The following DNAH8 variants were observed in gnomAD, a reference collection of about 807,000 sequenced individuals.
DNAH8 encodes the protein dynein axonemal heavy chain 8, also known as axonemal beta dynein heavy chain 8.
A neutral mutation model predicts 562.1 loss-of-function variants in DNAH8; 382 were observed. The observed-to-expected ratio is 0.68, with a 90% CI of 0.63 to 0.74. DNAH8 has a LOEUF of 0.74. Ranked by LOEUF, DNAH8 falls within the 30% of genes least tolerant of loss-of-function variation. DNAH8 has a pLI of 0.00. For missense variants in DNAH8, 5,203 were observed against 5,620.4 expected (o/e 0.93, Z 2.37); for synonymous variants, 1,881 against 1,919.4 (o/e 0.98, Z 0.52).
intron 11 of DNAH8, among the ~76,000 whole-genome samples, chr6:38,766,042 A>G (rs955967985): frequency 2.6e-5 from 4 of 152,210 alleles, no homozygotes; most frequent in Non-Finnish European, 5.9e-5. Context: ...TATTCACAAT[A>G]GCCAAGATGT....
chr6:38,850,232 G>A lies in DNAH8; in HGVS notation c.5200-19G>A, dbSNP rs1368944685. 11 of 1,610,390 alleles carry A rather than the reference G, an allele frequency of 6.8e-6. No homozygotes were observed. The highest frequency in any genetic ancestry group is 9.3e-6 in the Non-Finnish European group (11 of 1,177,982). ...ATTATCCAAATGCTAATCTTTACTG[G>A]CTATGGATGCATTTTCAGGAAGCAA... On this transcript the variant is annotated intron_variant, in intron 37 of 92. Transcript: ENST00000327475.
intron 70 of DNAH8, 74 bp downstream of exon 70, chr6:38,918,214 G>T: frequency 9.1e-7 from 1 of 1,102,896 alleles, no homozygotes. Flanking sequence ...GCTATTAAAA[G>T]ACAATGCGTA....
intron 24 of DNAH8, among the ~76,000 whole-genome samples, chr6:38,809,311 G>A (rs1025906604): frequency 6.6e-6 from 1 of 152,034 alleles, no homozygotes; most frequent in Non-Finnish European, 1.5e-5. Flanking sequence ...TTTGTGATCT[G>A]TTTAAAGAAA....
At position 38,945,447 on chromosome 6, in the gene DNAH8, T is replaced by C. The variant is rs79465174; in HGVS notation, c.12008-20T>C. On this transcript the variant is annotated intron_variant, in intron 79 of 92. Coordinates refer to ENST00000327475, the MANE Select transcript of DNAH8 (RefSeq NM_001206927.2). ...AAGTACAGGCTTACCCAATTCACCC[T>C]GTCTGACGCTCTTCCCCAGGGGGAG... The C allele has an allele frequency of 0.03, 47,807 of 1,613,676 alleles. 2,986 individuals are homozygous for C. The highest frequency in any genetic ancestry group is 0.23 in the Admixed American group (14,050 of 59,998).
intron 67 of DNAH8, among the ~76,000 whole-genome samples, chr6:38,914,836 T>G (rs1781182575): frequency 1.3e-5 from 2 of 152,190 alleles, no homozygotes; most frequent in African/African-American, 4.8e-5. Flanking sequence ...CAATAAACAT[T>G]AGCTTCTTTT....
chr6:38,736,990 A>C (rs1246383927), intron 5 of DNAH8, 77 bp from the exon 6 acceptor site: 1 of 1,059,950 alleles, frequency 9.4e-7, no homozygotes, highest in Non-Finnish European at 1.3e-6. Context: ...GTTTATTGCA[A>C]TATAAAACAG....
intron 36 of DNAH8, among the ~76,000 whole-genome samples, chr6:38,846,833 T>C (rs1775339320): frequency 6.6e-6 from 1 of 152,220 alleles, no homozygotes; most frequent in African/African-American, 2.4e-5. Flanking sequence ...CTTCAATTCA[T>C]ACTTACTTGG....
In DNAH8 at chr6:38,938,111, G is replaced by C; in HGVS notation, c.11701G>C (p.Ala3901Pro). ...CGCGGCTCAGGAGGAGTTCCGGCCC[G>C]CAGCCACCCGCGGAAGCATCCTCTA... ...INAAQEEFRP[A>P]ATRGSILYFL... is the part of the protein sequence containing the mutation. The change falls in exon 78 of 93, where the codon GCA (alanine) becomes CCA (proline). Residue 3901 changes from alanine (A) to proline (P), a missense_variant. This residue lies in a region of DNAH8 where 1,399 missense variants were observed against 1,518.4 expected (regional missense o/e 0.92). Coordinates refer to ENST00000327475, the MANE Select transcript of DNAH8 (RefSeq NM_001206927.2). 1 of 1,613,980 alleles carries C rather than the reference G, an allele frequency of 6.2e-7. No homozygotes were observed. The highest frequency in any genetic ancestry group is 8.5e-7 in the Non-Finnish European group (1 of 1,179,986).
chr6:39,013,733 C>G (rs565147544), intron 91 of DNAH8, among the ~76,000 whole-genome samples: 6 of 152,238 alleles, frequency 3.9e-5, no homozygotes, highest in African/African-American at 1.4e-4. Context: ...TGCCTGTAGT[C>G]CCAGCTACTT....
At chr6:38,773,119 T>C (rs1767739358) in intron 12 of DNAH8, among the ~76,000 whole-genome samples, 1 of 151,676 alleles carries the variant, frequency 6.6e-6, no homozygotes, top group African/African-American at 2.4e-5. Context: ...GCTCAGCCAA[T>C]AGGGATTTTT....
chr6:38,940,540 C>T (rs752450177), intron 79 of DNAH8, among the ~76,000 whole-genome samples: 8 of 152,182 alleles, frequency 5.3e-5, no homozygotes, highest in Non-Finnish European at 7.3e-5. Context: ...ACCTCTCCAA[C>T]GTGCTGTTAT....
At chr6:38,833,877 C>G (rs991921632) in intron 31 of DNAH8, among the ~76,000 whole-genome samples, 1 of 152,132 alleles carries the variant, frequency 6.6e-6, no homozygotes, top group Non-Finnish European at 1.5e-5. Flanking sequence ...GTATATCTAT[C>G]ATATCATGAT....
At chr6:38,869,592 C>A (rs1777309729) in intron 48 of DNAH8, among the ~76,000 whole-genome samples, 1 of 152,186 alleles carries the variant, frequency 6.6e-6, no homozygotes, top group Admixed American at 6.5e-5. Flanking sequence ...TCAGTGTACT[C>A]AAACCTACTG....
intron 29 of DNAH8, 36 bp from the exon 30 acceptor site, chr6:38,828,148 C>G (rs754968795): frequency 7.3e-7 from 1 of 1,372,454 alleles, no homozygotes; most frequent in Non-Finnish European, 1.0e-6. Context: ...ATGGCTTTCC[C>G]TTGTGATATT....
At chr6:38,810,434 A>G (rs950370613) in intron 24 of DNAH8, among the ~76,000 whole-genome samples, 5 of 152,170 alleles carry the variant, frequency 3.3e-5, no homozygotes, top group Non-Finnish European at 7.3e-5. Context: ...TCTACTAAAA[A>G]TACAAAAAGT....
intron 28 of DNAH8, among the ~76,000 whole-genome samples, chr6:38,824,643 T>C (rs990953309): frequency 2.0e-5 from 3 of 152,220 alleles, no homozygotes; most frequent in African/African-American, 7.2e-5. Flanking sequence ...GAAGTTAATG[T>C]AACTGTGGCT....
intron 80 of DNAH8, among the ~76,000 whole-genome samples, chr6:38,947,592 G>A (rs189240575): frequency 1.3e-5 from 2 of 152,300 alleles, no homozygotes; most frequent in East Asian, 1.9e-4. Context: ...CAGATGTGGA[G>A]GAGGCCTGTG....
At chr6:38,826,055 T>G in intron 28 of DNAH8, 101 bp from the exon 29 acceptor site, 2 of 706,650 alleles carry the variant, frequency 2.8e-6, no homozygotes, top group Non-Finnish European at 4.7e-6. Flanking sequence ...AAAAGCCACA[T>G]GTGGTTAGTG....
chr6:38,776,217 CTTT>C (rs200097924), intron 13 of DNAH8, among the ~76,000 whole-genome samples: 17 of 137,144 alleles, frequency 1.2e-4, no homozygotes, highest in Middle Eastern at 3.4e-3. Flanking sequence ...AGCTAGGATT[CTTT>C]TTTTTTTTTT....
Sources: allele counts gnomAD v4.1 joint callset (sites outside exome capture counted in the v4.1 genomes callset), GRCh38; gene constraint gnomAD v4.1.1; regional missense constraint gnomAD v4.1.1; transcripts MANE v1.5; gene names NCBI Gene and HGNC (gene_info 2026-07-23, HGNC 2026-07-21).